The following GBP6 variants were observed in gnomAD, a reference collection of about 807,000 sequenced individuals.
GBP6 encodes the protein guanylate-binding protein 6.
Under a neutral mutation model 61.5 loss-of-function variants are expected in GBP6, and 54 were observed. The observed-to-expected ratio is 0.88, with a 90% confidence interval of 0.71 to 1.10. GBP6 has a LOEUF of 1.10. GBP6 is among the 50% of genes least tolerant of loss of function. The probability of loss-of-function intolerance (pLI) is 0.00; values close to 1 mark genes in which losing one functional copy is unlikely to be tolerated. For synonymous variants in GBP6, 255 were observed against 273.7 expected, an observed-to-expected ratio of 0.93 and a Z score of 0.67; for missense variants, 748 against 752.8, an observed-to-expected ratio of 0.99 and a Z score of 0.07.
At position 89,387,616 on chromosome 1, in the gene GBP6, A is replaced by G. The variant is rs7525249; in HGVS notation, c.*2147A>G. Among the ~76,000 whole-genome samples, 778 of 152,300 alleles carry G rather than the reference A, an allele frequency of 5.1e-3. 2 individuals carry two copies. Among genetic ancestry groups the G allele is most frequent in the African/African-American group, 0.017 (727 of 41,560 alleles). On this transcript the variant is annotated 3_prime_UTR_variant, in exon 11 of 11. Coordinates refer to ENST00000370456, the MANE Select transcript of GBP6 (RefSeq NM_198460.3). ...ATAAGTTGTTTGAATTTTCGACACCAGATTAAGGTCTCTGAGGTGGTTTAA... is the reference window on the plus strand; with the variant it reads ...ATAAGTTGTTTGAATTTTCGACACCGGATTAAGGTCTCTGAGGTGGTTTAA...
At position 89,380,211 on chromosome 1, in the gene GBP6, A is replaced by G. The variant is rs115872242; in HGVS notation, c.626-175A>G. Among the ~76,000 whole-genome samples, 1,008 of 152,358 alleles carry G rather than the reference A, an allele frequency of 6.6e-3. 11 individuals carry two copies. Among genetic ancestry groups the G allele is most frequent in the African/African-American group, 0.023 (949 of 41,572 alleles). ...AGAGGATTTTACTAAAAAATAGCTAACATTATACAAATTCTTTTAGCATCA... is the reference window on the plus strand; with the variant it reads ...AGAGGATTTTACTAAAAAATAGCTAGCATTATACAAATTCTTTTAGCATCA... On this transcript the variant is annotated intron_variant, in intron 5 of 10. Transcript: ENST00000370456.
intron 3 of GBP6, among the ~76,000 whole-genome samples, chr1:89,372,184 A>C (rs1201591746): frequency 2.6e-5 from 4 of 152,272 alleles, no homozygotes; most frequent in East Asian, 1.9e-4. Flanking sequence ...CAAATGGAAG[A>C]GCATTCCATG....
intron 3 of GBP6, 24 bp from the exon 4 acceptor site, chr1:89,378,078 TC>T (rs1270250027): frequency 6.3e-7 from 1 of 1,597,066 alleles, no homozygotes; most frequent in Admixed American, 1.7e-5. Context: ...CACTCCTAAG[TC>T]CTTTGCTCTA....
At chr1:89,366,388 T>C (rs1307311964) in intron 1 of GBP6, among the ~76,000 whole-genome samples, 1 of 152,224 alleles carries the variant, frequency 6.6e-6, no homozygotes, top group African/African-American at 2.4e-5. Flanking sequence ...TTTGGAAAGA[T>C]AGCCTGTATT....
chr1:89,382,804 G>A lies in GBP6; in HGVS notation c.1293G>A (p.Gly431=). 6.2e-7 allele frequency: 1 copy of A among 1,614,058 alleles called. No homozygotes were observed. Among genetic ancestry groups the A allele is most frequent in the Non-Finnish European group, 8.5e-7 (1 of 1,179,952 alleles). Reference sequence around the variant, plus strand: ...CAGGAAGTTTCTCTGTTCCTGGAGGGCACAAGCTCTACATGGAAACAAAGG... The same window carrying A: ...CAGGAAGTTTCTCTGTTCCTGGAGGACACAAGCTCTACATGGAAACAAAGG... ...ISAGSFSVPG[G]HKLYMETKER... is the part of the protein sequence containing the mutation. Residue 431 remains glycine (G), a synonymous_variant, in exon 8 of 11, where the codon GGG becomes GGA. Transcript: ENST00000370456.
intron 2 of GBP6, among the ~76,000 whole-genome samples, 172 bp downstream of exon 2, chr1:89,368,913 T>A (rs1462077016): frequency 6.6e-6 from 1 of 152,176 alleles, no homozygotes; most frequent in Non-Finnish European, 1.5e-5. Context: ...CATTCTCATA[T>A]TTTTTCCCTC....
chr1:89,369,950 T>C (rs550217769), intron 3 of GBP6, among the ~76,000 whole-genome samples: 2 of 152,284 alleles, frequency 1.3e-5, no homozygotes, highest in South Asian at 4.1e-4. Context: ...AGCATAGACA[T>C]TGGTGAACAA....
chr1:89,364,720 C>A (rs1652416323), intron 1 of GBP6, among the ~76,000 whole-genome samples: 1 of 150,004 alleles, frequency 6.7e-6, no homozygotes, highest in Admixed American at 6.6e-5. Flanking sequence ...TCTCTTGTAG[C>A]TCTTGCTAAA....
At chr1:89,371,736 C>T (rs1007178442) in intron 3 of GBP6, among the ~76,000 whole-genome samples, 41 of 152,308 alleles carry the variant, frequency 2.7e-4, no homozygotes, top group African/African-American at 9.4e-4. Context: ...TGGAAGCATT[C>T]CCTTTGAAAA....
At position 89,380,376 on chromosome 1, in the gene GBP6, T is replaced by TA; in HGVS notation, c.626-9dup. 3 of 1,590,422 alleles carry TA rather than the reference T, an allele frequency of 1.9e-6. No homozygotes were observed. Among genetic ancestry groups the TA allele is most frequent in the Non-Finnish European group, 2.6e-6 (3 of 1,164,600 alleles). On this transcript the variant is annotated splice_polypyrimidine_tract_variant and intron_variant, in intron 5 of 10. Transcript: ENST00000370456. The stretch of plus-strand genomic sequence containing the variant: ...TTTCACTATATTCTCTGTTTTTTTT[T>TA]ATCCCTCAGGCAATAATCCCAGAGT...
chr1:89,382,707 A>G lies in GBP6; in HGVS notation c.1196A>G (p.Glu399Gly). 1.2e-6 allele frequency: 2 copies of G among 1,614,152 alleles called. No individual in the cohort carries two copies. The highest frequency in any genetic ancestry group is 4.5e-5 in the East Asian group (2 of 44,876). The change falls in exon 8 of 11, where the codon GAA becomes GGA. Residue 399 changes from glutamate (E) to glycine (G), a missense_variant. Transcript: ENST00000370456. ...NKKGDFLLQN[E>G]ESSVQYCQAK... The stretch of plus-strand genomic sequence containing the variant: ...AAGGGGGATTTCTTGCTGCAGAATG[A>G]AGAGTCATCTGTTCAATACTGCCAG...
intron 3 of GBP6, among the ~76,000 whole-genome samples, chr1:89,375,724 T>C (rs4265414): frequency 0.79 from 120,278 of 152,070 alleles, 47,717 homozygotes; most frequent in African/African-American, 0.86. Context: ...ACTCCGCTGA[T>C]TGTTTCCTTT....
Position 89,380,422 on chromosome 1 carries a change from G to C in GBP6, c.662G>C (p.Arg221Thr). Residue 221 changes from arginine (R) to threonine (T), a missense_variant, in exon 6 of 11, where the codon AGG (arginine) becomes ACG (threonine). Arg to Thr is a moderately conservative substitution (Grantham distance 71, BLOSUM62 -1). Transcript: ENST00000370456. ...NPRVQTSNFP[R>T]ECIRRFFPKR... is the part of the protein sequence containing the mutation. ...AGAGTTCAAACATCCAATTTTCCCA[G>C]GGAGTGCATCAGGCGTTTCTTTCCA... 1 of 1,613,860 alleles carries C rather than the reference G, an allele frequency of 6.2e-7. No homozygotes were observed. Among genetic ancestry groups the C allele is most frequent in the Non-Finnish European group, 8.5e-7 (1 of 1,179,828 alleles).
intron 6 of GBP6, 128 bp from the exon 7 acceptor site, chr1:89,381,566 G>A (rs1171713435): frequency 1.3e-6 from 1 of 784,864 alleles, no homozygotes. Context: ...AGGTAGGGAT[G>A]TGGGTGTATG....
At chr1:89,382,251 G>A (rs775214332) in intron 7 of GBP6, among the ~76,000 whole-genome samples, 29 of 152,252 alleles carry the variant, frequency 1.9e-4, no homozygotes, top group Admixed American at 3.9e-4. Flanking sequence ...CCTGAGCAGT[G>A]CACTTTTTCT....
intron 3 of GBP6, among the ~76,000 whole-genome samples, 181 bp from the exon 4 acceptor site, chr1:89,377,922 T>C (rs1652851427): frequency 6.6e-6 from 1 of 152,228 alleles, no homozygotes; most frequent in African/African-American, 2.4e-5. Flanking sequence ...AATCCTTTTA[T>C]ATGTAAAGAA....
chr1:89,369,816 C>A, intron 3 of GBP6, 143 bp downstream of exon 3: 1 of 951,058 alleles, frequency 1.1e-6, no homozygotes, highest in Non-Finnish European at 1.5e-6. Context: ...CACTTCTAGA[C>A]AAGGTTAGAT....
chr1:89,370,090 G>A (rs1336912273), intron 3 of GBP6, among the ~76,000 whole-genome samples: 1 of 152,194 alleles, frequency 6.6e-6, no homozygotes, highest in Non-Finnish European at 1.5e-5. Context: ...GAACTCTGTG[G>A]CTGGAATGGC....
Position 89,381,766 on chromosome 1 carries a change from T to TGA in GBP6, c.945_946dup (p.Ile316ArgfsTer2), listed in dbSNP as rs1557542612. Reference sequence around the variant, plus strand: ...GCAGTGCCTTGTCTGGAGAATGCAGTGATAACTCTGGCCCAGCGTGAGAAC... The same window carrying TGA: ...GCAGTGCCTTGTCTGGAGAATGCAGTGAGATAACTCTGGCCCAGCGTGAGAAC... On this transcript the variant is annotated frameshift_variant, in exon 7 of 11. Coordinates refer to ENST00000370456, the MANE Select transcript of GBP6 (RefSeq NM_198460.3). LOFTEE classifies it high-confidence loss of function. 1 of 1,614,112 alleles carries TGA rather than the reference T, an allele frequency of 6.2e-7. No individual in the cohort carries two copies. The highest frequency in any genetic ancestry group is 8.5e-7 in the Non-Finnish European group (1 of 1,180,004).
Sources: allele counts gnomAD v4.1 joint callset (sites outside exome capture counted in the v4.1 genomes callset), GRCh38; gene constraint gnomAD v4.1.1; transcripts MANE v1.5; gene names NCBI Gene and HGNC (gene_info 2026-07-23, HGNC 2026-07-21).